The following CNTNAP2 variants were observed in gnomAD, a reference collection of about 807,000 sequenced individuals.
CNTNAP2 encodes the protein contactin associated protein 2, also known as contactin-associated protein-like 2.
CNTNAP2 carries 98 observed loss-of-function variants against 155.2 expected under a neutral mutation model. That is an observed-to-expected ratio of 0.63 (90% CI 0.54 to 0.75). CNTNAP2 has a LOEUF of 0.75. Ranked by LOEUF, CNTNAP2 falls within the 30% of genes least tolerant of loss-of-function variation. The pLI is 0.00. For synonymous variants in CNTNAP2, 651 were observed against 631.2 expected (o/e 1.03, Z -0.47); for missense variants, 1,727 against 1,688.1 (o/e 1.02, Z -0.40).
rs543655888 is a variant in CNTNAP2 at position 147,990,390 on chromosome 7, G to C, written c.2383+12401G>C. ...AAGAGCACTCTCTCTTACAGACTAA[G>C]AGTATTTAAGGGTTTTAGGGTGAGA... On this transcript the variant is annotated intron_variant, in intron 15 of 23. Transcript: ENST00000361727. Among the ~76,000 whole-genome samples the C allele has an allele frequency of 1.4e-3, 217 of 152,294 alleles. 2 individuals carry two copies. The highest frequency in any genetic ancestry group is 4.0e-3 in the Admixed American group (61 of 15,296).
intron 14 of CNTNAP2, among the ~76,000 whole-genome samples, chr7:147,946,270 G>A (rs1042515677): frequency 1.9e-4 from 29 of 152,130 alleles, no homozygotes; most frequent in African/African-American, 6.5e-4. Context: ...GCAGCAGGTA[G>A]ACATGCCTAT....
chr7:146,334,474 G>T lies in CNTNAP2; in HGVS notation c.97+217501G>T, dbSNP rs182101366. Among the ~76,000 whole-genome samples the T allele has an allele frequency of 4.6e-3, 688 of 148,938 alleles. 2 individuals are homozygous for T. The highest frequency in any genetic ancestry group is 7.9e-3 in the Non-Finnish European group (537 of 67,574). ...CATCCAATCAGTCTCCAACACTCAAGAATTATTTGTGAGATTCTTATAGAA... is the reference window on the plus strand; with the variant it reads ...CATCCAATCAGTCTCCAACACTCAATAATTATTTGTGAGATTCTTATAGAA... On this transcript the variant is annotated intron_variant, in intron 1 of 23. Coordinates refer to ENST00000361727, the MANE Select transcript of CNTNAP2 (RefSeq NM_014141.6).
intron 1 of CNTNAP2, among the ~76,000 whole-genome samples, chr7:146,772,014 C>T (rs983389686): frequency 6.6e-6 from 1 of 152,146 alleles, no homozygotes; most frequent in South Asian, 2.1e-4. Flanking sequence ...GGGTTTAGTA[C>T]ATTCATTCAT....
At chr7:147,430,157 G>A (rs1007551119) in intron 10 of CNTNAP2, among the ~76,000 whole-genome samples, 13 of 152,110 alleles carry the variant, frequency 8.5e-5, no homozygotes, top group African/African-American at 3.1e-4. Context: ...TTATTCTTGT[G>A]TTCTCATCCC....
At chr7:147,371,700 G>A (rs1335753300) in intron 9 of CNTNAP2, among the ~76,000 whole-genome samples, 2 of 152,208 alleles carry the variant, frequency 1.3e-5, no homozygotes, top group South Asian at 2.1e-4. Context: ...AGGCTCATTC[G>A]ATGTTGTAAG....
chr7:146,911,586 C>T (rs1796279920), intron 3 of CNTNAP2, among the ~76,000 whole-genome samples: 2 of 143,348 alleles, frequency 1.4e-5, no homozygotes, highest in Admixed American at 7.7e-5. Flanking sequence ...TATTCTCACT[C>T]ATAGGTGGGA....
At chr7:148,295,285 T>C (rs540626337) in intron 21 of CNTNAP2, among the ~76,000 whole-genome samples, 2 of 152,318 alleles carry the variant, frequency 1.3e-5, no homozygotes, top group South Asian at 2.1e-4. Context: ...ATTATTTTTA[T>C]ATGATAAATG....
intron 1 of CNTNAP2, among the ~76,000 whole-genome samples, chr7:146,500,131 T>G (rs1481220236): frequency 1.3e-5 from 2 of 152,142 alleles, no homozygotes; most frequent in East Asian, 3.9e-4. Flanking sequence ...AATATCAGAT[T>G]ATGTCATCTG....
chr7:147,925,153 GA>G (rs1585031733), intron 14 of CNTNAP2, among the ~76,000 whole-genome samples: 6 of 44,514 alleles, frequency 1.3e-4, no homozygotes, highest in East Asian at 1.3e-3. Context: ...GAGAGAGAGA[GA>G]GAAGGAAGGA....
chr7:147,199,816 C>G (rs1434331205), intron 8 of CNTNAP2, among the ~76,000 whole-genome samples: 1 of 143,826 alleles, frequency 7.0e-6, no homozygotes, highest in East Asian at 2.2e-4. Context: ...AAAATTAGTT[C>G]CCGATTTTCT....
At chr7:146,969,077 T>A (rs947824888) in intron 3 of CNTNAP2, among the ~76,000 whole-genome samples, 1 of 150,592 alleles carries the variant, frequency 6.6e-6, no homozygotes, top group African/African-American at 2.4e-5. Flanking sequence ...TACCCAGTAG[T>A]CATTCAGGAG....
chr7:147,798,436 G>C (rs1797936468), intron 13 of CNTNAP2, among the ~76,000 whole-genome samples: 1 of 152,170 alleles, frequency 6.6e-6, no homozygotes, highest in African/African-American at 2.4e-5. Context: ...TCAGAGGTAA[G>C]TTTACTCCAG....
At chr7:146,451,923 T>A (rs1381794297) in intron 1 of CNTNAP2, among the ~76,000 whole-genome samples, 1 of 149,912 alleles carries the variant, frequency 6.7e-6, no homozygotes, top group African/African-American at 2.4e-5. Context: ...TTTATTTATT[T>A]TTTGAGATGG....
intron 21 of CNTNAP2, among the ~76,000 whole-genome samples, chr7:148,311,743 A>G (rs993108767): frequency 6.6e-6 from 1 of 152,192 alleles, no homozygotes; most frequent in African/African-American, 2.4e-5. Flanking sequence ...CTTGTACTAT[A>G]GCATAGCCTG....
chr7:147,822,594 C>T (rs145921778), intron 13 of CNTNAP2, among the ~76,000 whole-genome samples: 1 of 152,200 alleles, frequency 6.6e-6, no homozygotes, highest in African/African-American at 2.4e-5. Context: ...CAGTTTATCT[C>T]GTGTTCCTTT....
chr7:148,366,887 G>A (rs1798792279), intron 21 of CNTNAP2, among the ~76,000 whole-genome samples: 1 of 152,016 alleles, frequency 6.6e-6, no homozygotes, highest in Admixed American at 6.6e-5. Flanking sequence ...ACTTCCAGCT[G>A]TCTCCATAGC....
chr7:146,187,900 G>A (rs917054823), intron 1 of CNTNAP2, among the ~76,000 whole-genome samples: 2 of 152,058 alleles, frequency 1.3e-5, no homozygotes, highest in African/African-American at 4.8e-5. Context: ...CCATTAATAC[G>A]TTTCTATTGC....
At chr7:147,992,422 C>T (rs1801727832) in intron 15 of CNTNAP2, among the ~76,000 whole-genome samples, 1 of 152,004 alleles carries the variant, frequency 6.6e-6, no homozygotes, top group African/African-American at 2.4e-5. Flanking sequence ...TCTATTACTA[C>T]CTGTAAAATA....
chr7:146,998,542 T>C (rs1299704696), intron 3 of CNTNAP2, among the ~76,000 whole-genome samples: 2 of 152,002 alleles, frequency 1.3e-5, no homozygotes, highest in Non-Finnish European at 2.9e-5. Context: ...ATACCTGCTA[T>C]ATTCATTTAG....
Sources: gnomAD v4.1 joint callset for allele counts (sites outside exome capture counted in the v4.1 genomes callset) on GRCh38, gnomAD v4.1.1 for gene constraint, MANE v1.5 for transcripts, NCBI Gene and HGNC (gene_info 2026-07-23, HGNC 2026-07-21) for gene names.